Variants in SLC3A2 observed in about 807,000 individuals in gnomAD.
The protein encoded by SLC3A2 is solute carrier family 3 member 2.
A neutral mutation model predicts 48.5 loss-of-function variants in SLC3A2; 32 were observed. That is an observed-to-expected ratio of 0.66 (90% CI 0.50 to 0.89). The LOEUF is 0.89. Among genes scored for constraint, SLC3A2 ranks in the 40% least tolerant of loss-of-function variants. The pLI, the probability that SLC3A2 is intolerant of heterozygous loss-of-function variation, is 0.00. For missense variants in SLC3A2, 587 were observed against 680.7 expected, an observed-to-expected ratio of 0.86 and a Z score of 1.53; for synonymous variants, 277 against 288.8, an observed-to-expected ratio of 0.96 and a Z score of 0.41.
At chr11:62,865,337 G>A (rs1376423165) in intron 1 of SLC3A2, among the ~76,000 whole-genome samples, 3 of 152,124 alleles carry the variant, frequency 2.0e-5, no homozygotes, top group Non-Finnish European at 2.9e-5. Context: ...CAGATCACTT[G>A]AGGTCAGGAG....
intron 1 of SLC3A2, among the ~76,000 whole-genome samples, chr11:62,873,035 T>A (rs1272015885): frequency 6.6e-6 from 1 of 152,034 alleles, no homozygotes; most frequent in Non-Finnish European, 1.5e-5. Context: ...TATATATATA[T>A]TTTTCAGACA....
At chr11:62,871,292 G>T (rs1416938464) in intron 1 of SLC3A2, among the ~76,000 whole-genome samples, 1 of 146,326 alleles carries the variant, frequency 6.8e-6, no homozygotes, top group African/African-American at 2.6e-5. Flanking sequence ...AGGCTGCAGT[G>T]CAGTGGCGTG....
chr11:62,860,201 C>T (rs1326417280), intron 1 of SLC3A2, among the ~76,000 whole-genome samples: 2 of 152,016 alleles, frequency 1.3e-5, no homozygotes, highest in Admixed American at 6.6e-5. Flanking sequence ...AACATCTCAG[C>T]GCAGTAAAGA....
exon 1 of SLC3A2, chr11:62,856,348 G>C (rs1251929478): frequency 2.5e-5 from 41 of 1,612,874 alleles, no homozygotes; most frequent in Non-Finnish European, 3.5e-5. Flanking sequence ...TTCGGAGGCT[G>C]GTGTCCAGGG....
Position 62,881,759 on chromosome 11 carries a change from G to A in SLC3A2, c.425-134G>A, listed in dbSNP as rs780448539. 9.7e-7 allele frequency: 1 copy of A among 1,036,144 alleles called. No homozygotes were observed. 64.2% of individuals were successfully genotyped at this position (1,036,144 alleles called of 1,614,324 possible). On this transcript the variant is annotated intron_variant, in intron 1 of 8. Coordinates refer to ENST00000338663, the MANE Select transcript of SLC3A2 (RefSeq NM_001013251.3). The surrounding 1 kb of genome is among the most constrained non-coding windows in gnomAD (Gnocchi z 4.0). ...CCTTACATCAGCTCCTCTGAGTCTC[G>A]TGATTCAGCCTTGCCTCCCTCTCTC...
chr11:62,870,780 GA>G (rs1419989698), intron 1 of SLC3A2: 1 of 207,966 alleles, frequency 4.8e-6, no homozygotes, highest in Non-Finnish European at 9.2e-6. Flanking sequence ...GACTGGTCTC[GA>G]ACTCTTGGCC....
At chr11:62,875,514 C>T (rs536429786) in intron 1 of SLC3A2, among the ~76,000 whole-genome samples, 2 of 151,978 alleles carry the variant, frequency 1.3e-5, no homozygotes, top group African/African-American at 4.8e-5. Context: ...CCAGCCTGGG[C>T]GACAGAGCGA....
Position 62,882,083 on chromosome 11 carries a change from T to A in SLC3A2, c.598+17T>A. The A allele has an allele frequency of 1.2e-6, 2 of 1,613,930 alleles. No homozygotes were observed. The highest frequency in any genetic ancestry group is 1.7e-6 in the Non-Finnish European group (2 of 1,179,862). On this transcript the variant is annotated intron_variant, in intron 2 of 8. Coordinates refer to ENST00000338663, the MANE Select transcript of SLC3A2 (RefSeq NM_001013251.3). ...AAAAAAAGAGTGGGTATCCTGGGGT[T>A]CCCAAGGAAACAGCTAGAAAGGACT...
exon 1 of SLC3A2, chr11:62,856,243 C>CA (rs2085318234): frequency 5.7e-6 from 9 of 1,588,266 alleles, no homozygotes; most frequent in Non-Finnish European, 7.8e-6. Context: ...CCCACACACC[C>CA]CAAACCTGTG....
chr11:62,881,760 T>A lies in SLC3A2; in HGVS notation c.425-133T>A. The A allele has an allele frequency of 9.7e-7, 1 of 1,036,098 alleles. No individual in the cohort carries two copies. The allele number at this position is 1,036,098 out of a possible 1,614,324, so 64.2% of individuals were successfully genotyped here. On this transcript the variant is annotated intron_variant, in intron 1 of 8. Coordinates refer to ENST00000338663, the MANE Select transcript of SLC3A2 (RefSeq NM_001013251.3). The surrounding 1 kb of genome is among the most constrained non-coding windows in gnomAD (Gnocchi z 4.0). ...CTTACATCAGCTCCTCTGAGTCTCG[T>A]GATTCAGCCTTGCCTCCCTCTCTCC...
At position 62,881,464 on chromosome 11, in the gene SLC3A2, C is replaced by G; in HGVS notation, c.424+17C>G. The G allele has an allele frequency of 2.6e-6, 4 of 1,559,816 alleles. No individual in the cohort carries two copies. Among genetic ancestry groups the G allele is most frequent in the Non-Finnish European group, 3.4e-6 (4 of 1,160,998 alleles). ...ACCTGGCGGGTGAGTGCAGCGCGCCCCCGTCCCGGGTACCTCCGGTTGAAT... is the reference window on the plus strand; with the variant it reads ...ACCTGGCGGGTGAGTGCAGCGCGCCGCCGTCCCGGGTACCTCCGGTTGAAT... On this transcript the variant is annotated intron_variant, in intron 1 of 8. Coordinates refer to ENST00000338663, the MANE Select transcript of SLC3A2 (RefSeq NM_001013251.3). This position sits in a 1 kb window ranked among gnomAD's most constrained non-coding sequence, Gnocchi z 4.0.
In SLC3A2 at chr11:62,882,859, C is replaced by T. The variant is rs990387771; in HGVS notation, c.599-49C>T. ...TTGCATTTGTGATTTCCTTATTTTC[C>T]CTTAACTCATAGACTGTCTCATGAT... On this transcript the variant is annotated intron_variant, in intron 2 of 8. Coordinates refer to ENST00000338663, the MANE Select transcript of SLC3A2 (RefSeq NM_001013251.3). The T allele has an allele frequency of 4.2e-6, 6 of 1,432,800 alleles. No individual in the cohort carries two copies. In the African/African-American group the frequency reaches 8.4e-5, roughly 20 times the overall value. The allele number at this position is 1,432,800 out of a possible 1,614,324, so 88.8% of individuals were successfully genotyped here. A position where few individuals can be genotyped will look rare whatever the true frequency, so the allele number is the denominator to read the frequency against.
intron 1 of SLC3A2, among the ~76,000 whole-genome samples, chr11:62,874,355 A>G (rs796331217): frequency 1.2e-4 from 18 of 152,146 alleles, no homozygotes; most frequent in African/African-American, 4.3e-4. Flanking sequence ...CCACATACTG[A>G]CCTGCTATTT....
At chr11:62,885,913 C>T (rs1272663595) in intron 7 of SLC3A2, among the ~76,000 whole-genome samples, 2 of 152,128 alleles carry the variant, frequency 1.3e-5, no homozygotes, top group Non-Finnish European at 2.9e-5. Context: ...TTCCTTTATT[C>T]TTTGGACAGT....
intron 1 of SLC3A2, among the ~76,000 whole-genome samples, chr11:62,862,181 T>TGA (rs2085406309): frequency 6.7e-6 from 1 of 150,142 alleles, no homozygotes; most frequent in Admixed American, 6.7e-5. Context: ...GCTGGACATG[T>TGA]TGGAGTGTGC....
Position 62,884,512 on chromosome 11 carries a change from T to C in SLC3A2, c.746T>C (p.Ile249Thr), listed in dbSNP as rs2085681491. ...AGVDGFQVRD[I>T]ENLKDASSFL... ...GTGGATGGGTTCCAGGTTCGGGACA[T>C]AGAGAATCTGAAGGTGAGTTCCCTT... Residue 249 changes from isoleucine to threonine, a missense_variant, in exon 4 of 9, where the codon ATA becomes ACA. Physicochemically the swap from Ile to Thr is moderately conservative, Grantham distance 89. Coordinates refer to ENST00000338663, the MANE Select transcript of SLC3A2 (RefSeq NM_001013251.3). 5 of 1,614,088 alleles carry C rather than the reference T, an allele frequency of 3.1e-6. No homozygotes were observed. The highest frequency in any genetic ancestry group is 2.2e-5 in the East Asian group (1 of 44,900).
rs1051211547 is a variant in SLC3A2, at chr11:62,888,464, G to A, written c.1361G>A (p.Arg454His). 3.1e-6 allele frequency: 5 copies of A among 1,614,064 alleles called. No individual in the cohort carries two copies. The highest frequency in any genetic ancestry group is 1.7e-5 in the Admixed American group (1 of 59,996). Reference protein sequence around the residue: ...SAGPGLFSYIRHWDQNERFLV... With the variant: ...SAGPGLFSYIHHWDQNERFLV... The stretch of plus-strand genomic sequence containing the variant: ...GGGCCTGGACTCTTCTCCTATATCC[G>A]CCACTGGGACCAGAATGAGCGTTTT... Residue 454 changes from arginine to histidine, a missense_variant, in exon 9 of 9, where the codon CGC becomes CAC. By Grantham distance (29) the Arg-to-His change is conservative. This residue lies in a region of SLC3A2 where 169 missense variants were observed against 204.4 expected (regional missense o/e 0.83). Transcript: ENST00000338663.
At chr11:62,859,808 G>T (rs2085378593) in intron 1 of SLC3A2, among the ~76,000 whole-genome samples, 1 of 152,224 alleles carries the variant, frequency 6.6e-6, no homozygotes, top group Non-Finnish European at 1.5e-5. Flanking sequence ...AAAAAAGTAG[G>T]CTGGGTGGAG....
intron 1 of SLC3A2, among the ~76,000 whole-genome samples, chr11:62,871,940 T>TCTTG (rs758089428): frequency 5.3e-5 from 8 of 152,084 alleles, no homozygotes; most frequent in Non-Finnish European, 1.2e-4. Flanking sequence ...TGAGATGGAA[T>TCTTG]CTTGCTCTGT....
Sources: gnomAD v4.1 joint callset for allele counts (sites outside exome capture counted in the v4.1 genomes callset) on GRCh38, gnomAD v4.1.1 for gene constraint, gnomAD v4.1.1 regional missense constraint, Gnocchi (gnomAD v3.1) non-coding constraint, MANE v1.5 for transcripts, NCBI Gene and HGNC (gene_info 2026-07-23, HGNC 2026-07-21) for gene names.